Variants in FREM2 observed in about 807,000 individuals in gnomAD.
FREM2 encodes FRAS1-related extracellular matrix protein 2.
A neutral mutation model predicts 219.9 loss-of-function variants in FREM2; 119 were observed. The ratio of observed to expected loss-of-function variants is 0.54; its 90% CI spans 0.47 to 0.63. FREM2 has a LOEUF of 0.63. Ranked by LOEUF, FREM2 falls within the 30% of genes least tolerant of loss-of-function variation. The probability of loss-of-function intolerance (pLI) is 0.00; values close to 1 mark genes in which losing one functional copy is unlikely to be tolerated. For missense variants in FREM2, 4,030 were observed against 3,993.6 expected (o/e 1.01, Z -0.25); for synonymous variants, 1,562 against 1,522.8 (o/e 1.03, Z -0.60).
At chr13:38,698,376 T>G (rs1395412947) in intron 2 of FREM2, among the ~76,000 whole-genome samples, 2 of 152,192 alleles carry the variant, frequency 1.3e-5, no homozygotes, top group African/African-American at 4.8e-5. Context: ...TGAAGAATAC[T>G]TCAGAGTATA....
In FREM2 at chr13:38,689,841, C is replaced by T. The variant is rs1324331131; in HGVS notation, c.2497C>T (p.Leu833Phe). 12 of 1,614,122 alleles carry T rather than the reference C, an allele frequency of 7.4e-6. No homozygotes were observed. The highest frequency in any genetic ancestry group is 1.0e-5 in the Non-Finnish European group (12 of 1,180,032). ...CGTGGACAACCAGCCACCTGAGATC[C>T]TCAACACCGGCTTCACTATTCAGGA... ...HPVDNQPPEI[L>F]NTGFTIQEKG... is the part of the protein sequence containing the mutation. The change falls in exon 1 of 24, where the codon CTC becomes TTC. Residue 833 changes from leucine (L) to phenylalanine (F), a missense_variant. Physicochemically the swap from Leu to Phe is conservative, Grantham distance 22. Coordinates refer to ENST00000280481, the MANE Select transcript of FREM2 (RefSeq NM_207361.6).
intron 6 of FREM2, among the ~76,000 whole-genome samples, chr13:38,843,811 C>T (rs1877048943): frequency 6.6e-6 from 1 of 151,894 alleles, no homozygotes; most frequent in South Asian, 2.1e-4. Flanking sequence ...TTAGTTCTCA[C>T]TCATCTAACA....
chr13:38,770,870 A>G (rs1291614594), intron 4 of FREM2, among the ~76,000 whole-genome samples: 1 of 152,168 alleles, frequency 6.6e-6, no homozygotes, highest in East Asian at 1.9e-4. Flanking sequence ...AAAAGAAAAA[A>G]AAAGAAAAAG....
In FREM2 at chr13:38,881,880, A is replaced by T. The variant is rs1878562353; in HGVS notation, c.*1093A>T. On this transcript the variant is annotated 3_prime_UTR_variant, in exon 24 of 24. Transcript: ENST00000280481. Reference sequence around the variant, plus strand: ...TTAGAACTTAAATTGGCTACAGGACATTTTATTAGCTTTCTATCCAGCATC... The same window carrying T: ...TTAGAACTTAAATTGGCTACAGGACTTTTTATTAGCTTTCTATCCAGCATC... The T allele has an allele frequency of 1.3e-5, 2 of 152,192 alleles. No homozygotes were observed. The highest frequency in any genetic ancestry group is 4.8e-5 in the African/African-American group (2 of 41,448). The allele number at this position is 152,192 out of a possible 1,614,324, so 9.4% of individuals were successfully genotyped here. A position where few individuals can be genotyped will look rare whatever the true frequency, so the allele number is the denominator to read the frequency against.
rs533235932 is a variant in FREM2 at position 38,737,562 on chromosome 13, C to T, written c.5264-26742C>T. On this transcript the variant is annotated intron_variant, in intron 2 of 23. Transcript: ENST00000280481. ...CTAATAGTAAATTAAAACTAAGTGA[C>T]TGTTAAGAATGTTACAAGAAAATAG... Among the ~76,000 whole-genome samples, 4 of 152,298 alleles carry T rather than the reference C, an allele frequency of 2.6e-5. No homozygotes were observed. In the South Asian group the frequency reaches 8.3e-4, roughly 32 times the overall value.
rs1452472512 is a variant in FREM2, at chr13:38,692,525, T to C, written c.5173+8T>C. On this transcript the variant is annotated splice_region_variant and intron_variant, in intron 1 of 23. Transcript: ENST00000280481. Reference sequence around the variant, plus strand: ...TCACTCAGTTCACACAAGGTATGTTTCATGTTTCTTTTCTTGGTTATCCTT... The same window carrying C: ...TCACTCAGTTCACACAAGGTATGTTCCATGTTTCTTTTCTTGGTTATCCTT... The C allele has an allele frequency of 6.2e-7, 1 of 1,607,364 alleles. No homozygotes were observed. The highest frequency in any genetic ancestry group is 8.5e-7 in the Non-Finnish European group (1 of 1,179,964).
intron 6 of FREM2, among the ~76,000 whole-genome samples, chr13:38,814,501 A>G (rs991990905): frequency 1.2e-4 from 18 of 152,252 alleles, no homozygotes; most frequent in African/African-American, 4.3e-4. Flanking sequence ...CTTTCTGCCA[A>G]ACATATAGCG....
At chr13:38,706,559 A>G (rs1264333282) in intron 2 of FREM2, among the ~76,000 whole-genome samples, 1 of 152,110 alleles carries the variant, frequency 6.6e-6, no homozygotes, top group Non-Finnish European at 1.5e-5. Context: ...GTATGTAGAT[A>G]CTCCTAACAA....
At chr13:38,703,986 C>T (rs1870440575) in intron 2 of FREM2, among the ~76,000 whole-genome samples, 1 of 152,124 alleles carries the variant, frequency 6.6e-6, no homozygotes, top group Non-Finnish European at 1.5e-5. Context: ...GATAGTATCT[C>T]AATCTGTCTC....
At chr13:38,708,226 A>G (rs886289608) in intron 2 of FREM2, among the ~76,000 whole-genome samples, 1 of 152,198 alleles carries the variant, frequency 6.6e-6, no homozygotes, top group Non-Finnish European at 1.5e-5. Flanking sequence ...CTGAGTACAT[A>G]TAGGTGCTCG....
At chr13:38,755,462 T>G (rs1447012011) in intron 2 of FREM2, among the ~76,000 whole-genome samples, 1 of 152,192 alleles carries the variant, frequency 6.6e-6, no homozygotes, top group African/African-American at 2.4e-5. Context: ...AAAAAGAGAC[T>G]AATTAAGCAT....
chr13:38,739,571 C>G (rs1046360604), intron 2 of FREM2, among the ~76,000 whole-genome samples: 2 of 152,050 alleles, frequency 1.3e-5, no homozygotes, highest in African/African-American at 2.4e-5. Context: ...TGAGCTCACC[C>G]TGATCATCCT....
chr13:38,762,326 A>G (rs530440125), intron 2 of FREM2, among the ~76,000 whole-genome samples: 2 of 152,334 alleles, frequency 1.3e-5, no homozygotes, highest in South Asian at 4.1e-4. Context: ...TCTCCAGAAC[A>G]GCACTCAGGG....
intron 9 of FREM2, 28 bp downstream of exon 9, chr13:38,850,263 G>A: frequency 6.3e-7 from 1 of 1,598,084 alleles, no homozygotes; most frequent in Non-Finnish European, 8.6e-7. Context: ...ATTTTTTCGT[G>A]AAATTTGAAG....
chr13:38,693,463 G>C (rs138972446), intron 1 of FREM2, among the ~76,000 whole-genome samples: 13 of 152,336 alleles, frequency 8.5e-5, no homozygotes, highest in African/African-American at 2.9e-4. Flanking sequence ...GAAAGGACAA[G>C]TGTCCTATGC....
intron 2 of FREM2, among the ~76,000 whole-genome samples, chr13:38,744,294 T>G (rs1331772181): frequency 7.5e-6 from 1 of 134,098 alleles, no homozygotes; most frequent in East Asian, 2.5e-4. Context: ...CTCAGCAGCC[T>G]CCAACTCCTG....
chr13:38,817,110 A>G (rs569005546), intron 6 of FREM2, among the ~76,000 whole-genome samples: 29 of 152,280 alleles, frequency 1.9e-4, no homozygotes, highest in African/African-American at 6.5e-4. Context: ...GGATTGTAAG[A>G]ATTAATGTCA....
In FREM2 at chr13:38,692,131, A is replaced by C. The variant is rs1479439544; in HGVS notation, c.4787A>C (p.Asp1596Ala). 6.2e-7 allele frequency: 1 copy of C among 1,614,256 alleles called. No individual in the cohort carries two copies. The highest frequency in any genetic ancestry group is 8.5e-7 in the Non-Finnish European group (1 of 1,180,050). The change falls in exon 1 of 24, where the codon GAC becomes GCC. Residue 1596 changes from aspartate to alanine, a missense_variant. Transcript: ENST00000280481. ...TRPVMVFTKQ[D>A]LNENLISYKH... is the part of the protein sequence containing the mutation. ...CCTGTCATGGTTTTTACCAAGCAAG[A>C]CTTGAATGAAAACTTAATCAGCTAC...
chr13:38,828,885 A>G (rs1566157687), intron 6 of FREM2, among the ~76,000 whole-genome samples: 1 of 151,886 alleles, frequency 6.6e-6, no homozygotes, highest in Non-Finnish European at 1.5e-5. Context: ...CTGGTTTCAG[A>G]TTTTTTTTCT....
Sources: gnomAD v4.1 joint callset for allele counts (sites outside exome capture counted in the v4.1 genomes callset) on GRCh38, gnomAD v4.1.1 for gene constraint, MANE v1.5 for transcripts, NCBI Gene and HGNC (gene_info 2026-07-23, HGNC 2026-07-21) for gene names.